CFAP251: variants seen among roughly 807,000 people sequenced by gnomAD.
CFAP251 encodes the protein cilia and flagella associated protein 251.
CFAP251 carries 93 observed loss-of-function variants against 126.7 expected under a neutral mutation model. That is an observed-to-expected ratio of 0.73 (90% CI 0.62 to 0.87). CFAP251 has a LOEUF of 0.87. CFAP251 is among the 40% of genes least tolerant of loss of function. The probability of loss-of-function intolerance (pLI) is 0.00; values close to 1 mark genes in which losing one functional copy is unlikely to be tolerated. For missense variants in CFAP251, 1,287 were observed against 1,389.2 expected, an observed-to-expected ratio of 0.93 and a Z score of 1.17; for synonymous variants, 503 against 506.9, an observed-to-expected ratio of 0.99 and a Z score of 0.10.
chr12:121,964,606 T>C (rs1351629417), intron 15 of CFAP251, among the ~76,000 whole-genome samples: 1 of 152,176 alleles, frequency 6.6e-6, no homozygotes, highest in African/African-American at 2.4e-5. Context: ...AAATGAACCA[T>C]TTGAAAGTGA....
intron 17 of CFAP251, among the ~76,000 whole-genome samples, chr12:121,968,529 G>A (rs61952866): frequency 1.8e-3 from 244 of 135,866 alleles, no homozygotes; most frequent in Middle Eastern, 3.9e-3. Context: ...TGGTATTTTC[G>A]GCTCCTCTTC....
intron 21 of CFAP251, among the ~76,000 whole-genome samples, chr12:122,003,140 G>A (rs1444712531): frequency 3.3e-5 from 5 of 152,154 alleles, no homozygotes; most frequent in Non-Finnish European, 7.3e-5. Context: ...GGTTAACAGC[G>A]TTCTGTTCCG....
At chr12:121,959,203 G>A (rs1003923129) in intron 13 of CFAP251, 109 bp downstream of exon 13, 9 of 1,141,132 alleles carry the variant, frequency 7.9e-6, no homozygotes, top group East Asian at 2.5e-5. Context: ...TTGGGAGGCC[G>A]AGGTGGGAGG....
chr12:121,981,387 T>C (rs1882617666), intron 19 of CFAP251, among the ~76,000 whole-genome samples: 1 of 152,024 alleles, frequency 6.6e-6, no homozygotes, highest in Non-Finnish European at 1.5e-5. Flanking sequence ...GGAGAATTGC[T>C]TGGGCCTGTG....
chr12:121,943,089 T>C (rs1242262262), intron 7 of CFAP251, 114 bp downstream of exon 7: 5 of 1,112,270 alleles, frequency 4.5e-6, no homozygotes, highest in Admixed American at 2.0e-5. Context: ...TGAGGTAGGT[T>C]ATCACTTGAG....
chr12:121,933,744 A>C (rs531833782), intron 4 of CFAP251: 7 of 152,718 alleles, frequency 4.6e-5, no homozygotes, highest in African/African-American at 1.7e-4. Flanking sequence ...GCTTGAGCCC[A>C]GGAGATCGAG....
rs552574675 is a variant in CFAP251 at position 121,977,682 on chromosome 12, G to A, written c.3006+1997G>A. 1.2e-4 allele frequency among the ~76,000 whole-genome samples: 18 copies of A among 149,792 alleles called. No individual in the cohort carries two copies. In the South Asian group the frequency reaches 2.9e-3, roughly 24 times the overall value. ...TCAAAAAATAAAAAACTGGCCGGGT[G>A]TGGTGGCTCAGACCTGTAATCCCAG... On this transcript the variant is annotated intron_variant, in intron 19 of 21. Coordinates refer to ENST00000288912, the MANE Select transcript of CFAP251 (RefSeq NM_144668.6).
At chr12:122,002,218 G>A (rs144496124) in intron 21 of CFAP251, among the ~76,000 whole-genome samples, 76 of 152,192 alleles carry the variant, frequency 5.0e-4, no homozygotes, top group African/African-American at 1.8e-3. Flanking sequence ...AGCCAAGCAT[G>A]GTGGCACACA....
chr12:121,987,576 A>G lies in CFAP251; in HGVS notation c.3006+11891A>G, dbSNP rs974812982. ...CTAAAAATACAAAAATTAGCCAGGC[A>G]TGGTGGCGCACACCTGTAATCCCAG... On this transcript the variant is annotated intron_variant, in intron 19 of 21. Coordinates refer to ENST00000288912, the MANE Select transcript of CFAP251 (RefSeq NM_144668.6). Among the ~76,000 whole-genome samples the G allele has an allele frequency of 2.0e-5, 3 of 151,984 alleles. No individual in the cohort carries two copies. In the South Asian group the frequency reaches 6.2e-4, roughly 32 times the overall value.
Position 121,992,931 on chromosome 12 carries a change from T to TATA in CFAP251, c.3007-6782_3007-6780dup, listed in dbSNP as rs146851147. Among the ~76,000 whole-genome samples, 590 of 151,732 alleles carry TATA rather than the reference T, an allele frequency of 3.9e-3. 8 individuals carry two copies. The highest frequency in any genetic ancestry group is 0.034 in the East Asian group (174 of 5,122). ...TGTAATTAGCAAGTGCATAGAAAAA[T>TATA]ATAATCACAAGAGCTCTCCCTCTCC... On this transcript the variant is annotated intron_variant, in intron 19 of 21. Coordinates refer to ENST00000288912, the MANE Select transcript of CFAP251 (RefSeq NM_144668.6).
At chr12:121,951,937 T>G (rs1371664766) in intron 9 of CFAP251, among the ~76,000 whole-genome samples, 2 of 151,978 alleles carry the variant, frequency 1.3e-5, no homozygotes, top group Non-Finnish European at 2.9e-5. Context: ...TTAGCCAGGA[T>G]GGTCTTGATC....
In CFAP251 at chr12:121,928,646, A is replaced by ACG. The variant is rs1163775026; in HGVS notation, c.748-3100_748-3099insCG. ...TATGTGTATATATATACGTATATAT[A>ACG]TATATATATACGTATATATATACGT... On this transcript the variant is annotated intron_variant, in intron 3 of 21. Transcript: ENST00000288912. Among the ~76,000 whole-genome samples the ACG allele has an allele frequency of 5.9e-3, 124 of 20,852 alleles. 2 individuals are homozygous for ACG. The highest frequency in any genetic ancestry group is 0.071 in the Middle Eastern group (1 of 14). 13.7% of individuals were successfully genotyped at this position (20,852 alleles called of 152,430 possible).
chr12:121,992,949 CCCTCT>C (rs1882909319), intron 19 of CFAP251, among the ~76,000 whole-genome samples: 1 of 91,912 alleles, frequency 1.1e-5, no homozygotes, highest in East Asian at 2.5e-4. Context: ...CAAGAGCTCT[CCCTCT>C]CCCTCTCCCA....
At chr12:121,950,301 C>T (rs1881474637) in intron 8 of CFAP251, 1 of 152,180 alleles carries the variant, frequency 6.6e-6, no homozygotes, top group Non-Finnish European at 1.5e-5. Context: ...TGGTGGTTTT[C>T]AAGGCCTGGA....
At position 121,960,568 on chromosome 12, in the gene CFAP251, C is replaced by G; in HGVS notation, c.2134-17C>G. ...AACGTAAAATGGGATAACTCCTTCT[C>G]TTTTGCTCATCTTCAGGATAGAAGT... On this transcript the variant is annotated splice_polypyrimidine_tract_variant and intron_variant, in intron 13 of 21. Coordinates refer to ENST00000288912, the MANE Select transcript of CFAP251 (RefSeq NM_144668.6). The G allele has an allele frequency of 6.2e-7, 1 of 1,613,662 alleles. No individual in the cohort carries two copies. Among genetic ancestry groups the G allele is most frequent in the East Asian group, 2.2e-5 (1 of 44,874 alleles).
chr12:121,982,297 C>T (rs1882640771), intron 19 of CFAP251, among the ~76,000 whole-genome samples: 1 of 151,584 alleles, frequency 6.6e-6, no homozygotes, highest in Non-Finnish European at 1.5e-5. Flanking sequence ...GCCTCGACTT[C>T]CTGGGCTCAA....
chr12:121,952,210 T>C (rs1363113442), intron 9 of CFAP251, among the ~76,000 whole-genome samples: 1 of 137,712 alleles, frequency 7.3e-6, no homozygotes. Context: ...GAGACCAGCC[T>C]GGGCAACACA....
At chr12:121,975,718 A>G (rs1882440768) in intron 19 of CFAP251, 33 bp downstream of exon 19, 2 of 1,536,262 alleles carry the variant, frequency 1.3e-6, no homozygotes, top group African/African-American at 1.4e-5. Flanking sequence ...CAGCAACGGG[A>G]TGTGCTATTT....
At chr12:121,978,393 C>CAAAAAAAAAAAAAAAAAAAAAAAAAAAAA (rs10642280) in intron 19 of CFAP251, among the ~76,000 whole-genome samples, 4 of 42,108 alleles carry the variant, frequency 9.5e-5, no homozygotes, top group Non-Finnish European at 1.2e-4. Context: ...GACTCTGTCT[C>CAAAAAAAAAAAAAAAAAAAAAAAAAAAAA]AAAAAAAAAA....
Sources: allele counts gnomAD v4.1 joint callset (sites outside exome capture counted in the v4.1 genomes callset), GRCh38; gene constraint gnomAD v4.1.1; transcripts MANE v1.5; gene names NCBI Gene and HGNC (gene_info 2026-07-23, HGNC 2026-07-21).